The following MARK2 variants were observed in gnomAD, a reference collection of about 807,000 sequenced individuals.
MARK2 encodes microtubule affinity regulating kinase 2, also known as serine/threonine-protein kinase MARK2.
A neutral mutation model predicts 89.8 loss-of-function variants in MARK2; 16 were observed. The ratio of observed to expected loss-of-function variants is 0.18; its 90% CI spans 0.12 to 0.27. The LOEUF (loss-of-function observed/expected upper bound fraction) is 0.27, where lower values mean the gene tolerates loss of function less well. Among genes scored for constraint, MARK2 ranks in the 10% least tolerant of loss-of-function variants. The pLI is 1.00. For synonymous variants in MARK2, 382 were observed against 399.5 expected (o/e 0.96, Z 0.52); for missense variants, 621 against 1,049.9 (o/e 0.59, Z 5.65).
rs373710920 is a variant in MARK2, at chr11:63,904,042, C to T, written c.1571C>T (p.Ala524Val). Residue 524 changes from alanine to valine, a missense_variant, in exon 15 of 19, where the codon GCG (alanine) becomes GTG (valine). This residue lies in a region of MARK2 where 397 missense variants were observed against 567.8 expected (regional missense o/e 0.70). Transcript: ENST00000402010. The surrounding 1 kb of genome is among the most constrained non-coding windows in gnomAD (Gnocchi z 6.3). ...STASASAAVS[A>V]ARPRQHQKSM... ...GCTTCTGCTTCTGCCGCAGTCTCTG[C>T]GGCCCGGCCCCGCCAGCACCAGAAA... is the stretch of plus-strand genomic sequence containing the variant. The T allele has an allele frequency of 2.4e-5, 38 of 1,602,206 alleles. No homozygotes were observed. The highest frequency in any genetic ancestry group is 3.4e-5 in the Admixed American group (2 of 59,260).
intron 1 of MARK2, among the ~76,000 whole-genome samples, chr11:63,885,942 C>T (rs1939370191): frequency 2.0e-5 from 3 of 151,962 alleles, no homozygotes; most frequent in Non-Finnish European, 2.9e-5. Flanking sequence ...TCCTGGCCAA[C>T]ATGGTGAAAC....
intron 1 of MARK2, among the ~76,000 whole-genome samples, chr11:63,865,310 C>T (rs1280773580): frequency 6.6e-6 from 1 of 151,186 alleles, no homozygotes; most frequent in Non-Finnish European, 1.5e-5. Flanking sequence ...GTGATCTCAG[C>T]TCACTGCAGC....
chr11:63,848,967 A>G (rs2016422387), intron 1 of MARK2, among the ~76,000 whole-genome samples: 1 of 151,892 alleles, frequency 6.6e-6, no homozygotes, highest in Non-Finnish European at 1.5e-5. Context: ...TCGGCTTCCC[A>G]AAGTGCTGAG....
At chr11:63,878,288 T>C (rs1381145122) in intron 1 of MARK2, among the ~76,000 whole-genome samples, 2 of 151,508 alleles carry the variant, frequency 1.3e-5, no homozygotes, top group Non-Finnish European at 2.9e-5. Flanking sequence ...TGGGTTTATA[T>C]CTCCTCAGAA....
chr11:63,881,161 C>A (rs569781887), intron 1 of MARK2, among the ~76,000 whole-genome samples: 15 of 152,050 alleles, frequency 9.9e-5, no homozygotes, highest in African/African-American at 3.6e-4. Flanking sequence ...ACAAATTAGC[C>A]AGGCATGGTG....
At chr11:63,862,649 C>G (rs896593030) in intron 1 of MARK2, among the ~76,000 whole-genome samples, 1 of 152,104 alleles carries the variant, frequency 6.6e-6, no homozygotes, top group Non-Finnish European at 1.5e-5. Flanking sequence ...CTCTTTAACC[C>G]CAGCTTCTGA....
intron 1 of MARK2, among the ~76,000 whole-genome samples, chr11:63,865,826 A>G (rs1376964840): frequency 2.0e-5 from 3 of 152,138 alleles, no homozygotes; most frequent in Non-Finnish European, 2.9e-5. Context: ...TTGATTTTGG[A>G]GAGATGAAGT....
intron 1 of MARK2, among the ~76,000 whole-genome samples, chr11:63,842,044 C>T (rs1413868646): frequency 6.6e-6 from 1 of 152,080 alleles, no homozygotes. Context: ...TATTAATTAC[C>T]CATCCTATTT....
chr11:63,877,456 A>G (rs1218709307), intron 1 of MARK2, among the ~76,000 whole-genome samples: 3 of 152,120 alleles, frequency 2.0e-5, no homozygotes, highest in Non-Finnish European at 4.4e-5. Context: ...AAGTATAAAA[A>G]GTGCCTTTTG....
chr11:63,896,366 A>G (rs537703344), intron 3 of MARK2, among the ~76,000 whole-genome samples: 45 of 152,268 alleles, frequency 3.0e-4, no homozygotes, highest in Non-Finnish European at 5.3e-4. Context: ...AAATACAAGA[A>G]TAAGAGGAAG....
intron 17 of MARK2, among the ~76,000 whole-genome samples, chr11:63,907,707 G>T (rs1359953230): frequency 6.6e-6 from 1 of 152,174 alleles, no homozygotes; most frequent in African/African-American, 2.4e-5. Context: ...CCATCCCCAG[G>T]TGCCTACCAT....
intron 1 of MARK2, chr11:63,868,454 G>C: frequency 4.7e-6 from 1 of 213,044 alleles, no homozygotes; most frequent in Non-Finnish European, 9.7e-6. Flanking sequence ...GGCTGTGTAA[G>C]TCACAAGTCT....
At position 63,900,550 on chromosome 11, in the gene MARK2, C is replaced by T. The variant is rs376727410; in HGVS notation, c.769-9C>T. 193 of 1,613,552 alleles carry T rather than the reference C, an allele frequency of 1.2e-4. No homozygotes were observed. Among genetic ancestry groups the T allele is most frequent in the Non-Finnish European group, 1.5e-4 (176 of 1,179,738 alleles). On this transcript the variant is annotated splice_polypyrimidine_tract_variant and intron_variant, in intron 8 of 18. Transcript: ENST00000402010. This position sits in a 1 kb window ranked among gnomAD's most constrained non-coding sequence, Gnocchi z 4.7. ...GATTTCAATTTTCTAACCCTGGATC[C>T]TCCTGCAGGAGCTGCGGGAACGGGT...
rs1488847617 is a variant in MARK2 at position 63,860,393 on chromosome 11, A to G, written c.54+20833A>G. Among the ~76,000 whole-genome samples the G allele has an allele frequency of 2.7e-5, 4 of 150,584 alleles. No homozygotes were observed. The East Asian group carries it at 7.8e-4, about 29-fold the overall frequency. ...ATGGTGAAACCCCGTCTCTACTAAA[A>G]ATACAAAAATTAGCCGGGCGTGGTG... On this transcript the variant is annotated intron_variant, in intron 1 of 18. Coordinates refer to ENST00000402010, the MANE Select transcript of MARK2 (RefSeq NM_001039469.3).
chr11:63,865,104 T>A lies in MARK2; in HGVS notation c.54+25544T>A, dbSNP rs186772876. On this transcript the variant is annotated intron_variant, in intron 1 of 18. Coordinates refer to ENST00000402010, the MANE Select transcript of MARK2 (RefSeq NM_001039469.3). ...TGGGGTTTCGTCATGTTGCCCAGGC[T>A]GGCCTGGAACTCCTGGCGTCAAGCA... 1.6e-3 allele frequency among the ~76,000 whole-genome samples: 236 copies of A among 152,200 alleles called. 1 individual carries two copies. The highest frequency in any genetic ancestry group is 2.4e-3 in the Admixed American group (36 of 15,292).
At chr11:63,868,718 C>T (rs1458951854) in intron 1 of MARK2, 5 of 452,374 alleles carry the variant, frequency 1.1e-5, no homozygotes, top group Admixed American at 7.1e-5. Context: ...CGTTGTTGCT[C>T]CTGGTTACAG....
chr11:63,840,697 A>G (rs2015968936), intron 1 of MARK2, among the ~76,000 whole-genome samples: 1 of 152,066 alleles, frequency 6.6e-6, no homozygotes, highest in Non-Finnish European at 1.5e-5. Flanking sequence ...TCTCCGCATT[A>G]GTCTCCTGCC....
At chr11:63,906,589 A>G (rs912992207) in intron 17 of MARK2, among the ~76,000 whole-genome samples, 5 of 151,296 alleles carry the variant, frequency 3.3e-5, no homozygotes, top group African/African-American at 1.2e-4. Context: ...CCAGGGTTAC[A>G]AGTGCATCTG....
chr11:63,887,925 C>T (rs1939501358), intron 1 of MARK2, among the ~76,000 whole-genome samples: 1 of 152,068 alleles, frequency 6.6e-6, no homozygotes, highest in Non-Finnish European at 1.5e-5. Flanking sequence ...TAGGGATGAA[C>T]GTTCAGAAGC....
Sources: gnomAD v4.1 joint callset for allele counts (sites outside exome capture counted in the v4.1 genomes callset) on GRCh38, gnomAD v4.1.1 for gene constraint, gnomAD v4.1.1 regional missense constraint, Gnocchi (gnomAD v3.1) non-coding constraint, MANE v1.5 for transcripts, NCBI Gene and HGNC (gene_info 2026-07-23, HGNC 2026-07-21) for gene names.